The following STAU2 variants were observed in gnomAD, a reference collection of about 807,000 sequenced individuals.
STAU2 encodes the protein double-stranded RNA-binding protein Staufen homolog 2.
A neutral mutation model predicts 65.9 loss-of-function variants in STAU2; 20 were observed. The observed-to-expected ratio is 0.30, with a 90% CI of 0.21 to 0.44. The LOEUF (loss-of-function observed/expected upper bound fraction) is 0.44, where lower values mean the gene tolerates loss of function less well. Ranked by LOEUF, STAU2 falls within the 20% of genes least tolerant of loss-of-function variation. The pLI is 1.00. For missense variants in STAU2, 558 were observed against 683.9 expected (o/e 0.82, Z 2.05); for synonymous variants, 232 against 233.9 (o/e 0.99, Z 0.07).
chr8:73,578,320 C>T (rs73328757), intron 12 of STAU2, among the ~76,000 whole-genome samples: 27,772 of 152,086 alleles, frequency 0.18, 2,775 homozygotes, highest in African/African-American at 0.27. Flanking sequence ...AATGGATCTT[C>T]AGAGACAGAC....
intron 13 of STAU2, among the ~76,000 whole-genome samples, chr8:73,538,043 T>G (rs948561895): frequency 6.6e-6 from 1 of 152,186 alleles, no homozygotes; most frequent in Non-Finnish European, 1.5e-5. Flanking sequence ...ACTGATTTTC[T>G]TCAAAAGGGT....
intron 13 of STAU2, among the ~76,000 whole-genome samples, chr8:73,519,163 C>T (rs1199898662): frequency 6.6e-6 from 1 of 152,160 alleles, no homozygotes; most frequent in African/African-American, 2.4e-5. Context: ...ACAGAGCAAG[C>T]AAAGCCGCTG....
intron 7 of STAU2, 59 bp downstream of exon 7, chr8:73,617,232 TC>T: frequency 6.4e-7 from 1 of 1,572,104 alleles, no homozygotes; most frequent in Non-Finnish European, 8.6e-7. Context: ...TATAAAATGC[TC>T]TGATTTGTTT....
chr8:73,429,951 G>A (rs1023775387), intron 13 of STAU2, among the ~76,000 whole-genome samples: 3 of 152,156 alleles, frequency 2.0e-5, no homozygotes, highest in Non-Finnish European at 2.9e-5. Context: ...TCAGCAGTCC[G>A]CTTCCAGCCC....
rs1160299382 is a variant in STAU2 at position 73,688,801 on chromosome 8, G to T, written c.127C>A (p.Gln43Lys). The change falls in exon 5 of 15, where the codon CAG (glutamine) becomes AAG (lysine). Residue 43 changes from glutamine (Q) to lysine (K), a missense_variant. Coordinates refer to ENST00000524300, the MANE Select transcript of STAU2 (RefSeq NM_001164380.2). ...CATGTCTGCTCACCAAGACTCAGCT[G>T]CACTGAGAACATCTTAGAAAAACAT... ...GPAHSKMFSV[Q>K]LSLGEQTWES... 1.2e-6 allele frequency: 2 copies of T among 1,613,928 alleles called. No homozygotes were observed. The highest frequency in any genetic ancestry group is 3.3e-5 in the Admixed American group (2 of 59,968).
At chr8:73,485,712 T>C (rs1323744463) in intron 13 of STAU2, among the ~76,000 whole-genome samples, 2 of 152,106 alleles carry the variant, frequency 1.3e-5, no homozygotes, top group African/African-American at 4.8e-5. Flanking sequence ...CACAAGCCTA[T>C]AGTCCCAGCT....
chr8:73,628,826 C>G (rs1400515654), intron 6 of STAU2, among the ~76,000 whole-genome samples: 2 of 152,152 alleles, frequency 1.3e-5, no homozygotes, highest in Non-Finnish European at 2.9e-5. Context: ...TACGTTTGCA[C>G]TAAAATCTTC....
At chr8:73,649,794 T>C (rs556784870) in intron 6 of STAU2, among the ~76,000 whole-genome samples, 2 of 148,830 alleles carry the variant, frequency 1.3e-5, no homozygotes, top group African/African-American at 4.9e-5. Context: ...TAGATATCTT[T>C]GAGAGCACAC....
At chr8:73,590,123 G>A (rs1267812102) in intron 11 of STAU2, among the ~76,000 whole-genome samples, 2 of 139,802 alleles carry the variant, frequency 1.4e-5, no homozygotes, top group Non-Finnish European at 3.1e-5. Flanking sequence ...AAGAAAAAAC[G>A]AGAGAAGAAA....
intron 13 of STAU2, chr8:73,439,242 C>T (rs1817942646): frequency 2.9e-6 from 1 of 350,634 alleles, no homozygotes; most frequent in Non-Finnish European, 5.6e-6. Context: ...GCTGCTCCAG[C>T]ACCCGCATTG....
chr8:73,666,680 C>T lies in STAU2; in HGVS notation c.410+6427G>A, dbSNP rs907910488. ...AAAGGTAACCTTGACATAAAATATA[C>T]TAAACACATCTAATGAGAATGTAGG... is the stretch of plus-strand genomic sequence containing the variant. On this transcript the variant is annotated intron_variant, in intron 6 of 14. Coordinates refer to ENST00000524300, the MANE Select transcript of STAU2 (RefSeq NM_001164380.2). 1.1e-4 allele frequency among the ~76,000 whole-genome samples: 17 copies of T among 152,274 alleles called. 2 individuals are homozygous for T. In the South Asian group the frequency reaches 2.9e-3, roughly 26 times the overall value.
chr8:73,476,856 G>C (rs1820350218), intron 13 of STAU2, among the ~76,000 whole-genome samples: 1 of 152,198 alleles, frequency 6.6e-6, no homozygotes. Flanking sequence ...ACGCTCGTGA[G>C]AGCAGCCAGA....
At chr8:73,691,215 C>T (rs78903593) in intron 4 of STAU2, among the ~76,000 whole-genome samples, 8,328 of 152,186 alleles carry the variant, frequency 0.055, 414 homozygotes, top group Admixed American at 0.16. Flanking sequence ...CAAAACACTG[C>T]CTCCTCCACT....
intron 13 of STAU2, among the ~76,000 whole-genome samples, chr8:73,498,223 T>C (rs896380838): frequency 6.6e-6 from 1 of 151,818 alleles, no homozygotes; most frequent in Non-Finnish European, 1.5e-5. Flanking sequence ...CAGGCAATTA[T>C]CTATTACATG....
chr8:73,660,909 T>A (rs1816787419), intron 6 of STAU2, among the ~76,000 whole-genome samples: 1 of 152,234 alleles, frequency 6.6e-6, no homozygotes, highest in Non-Finnish European at 1.5e-5. Context: ...GATTTAATTT[T>A]TTTAATTAAG....
At chr8:73,513,231 C>T (rs115354220) in intron 13 of STAU2, among the ~76,000 whole-genome samples, 387 of 151,754 alleles carry the variant, frequency 2.6e-3, no homozygotes, top group African/African-American at 8.9e-3. Flanking sequence ...CTGTGGAATC[C>T]ATCTCCTTCA....
At chr8:73,446,485 C>A (rs1818472925) in intron 13 of STAU2, among the ~76,000 whole-genome samples, 1 of 152,154 alleles carries the variant, frequency 6.6e-6, no homozygotes, top group African/African-American at 2.4e-5. Flanking sequence ...TGAGATGTAA[C>A]CACTGGAAGA....
intron 13 of STAU2, among the ~76,000 whole-genome samples, chr8:73,505,884 T>A (rs1822034677): frequency 6.6e-6 from 1 of 152,066 alleles, no homozygotes; most frequent in Non-Finnish European, 1.5e-5. Flanking sequence ...CCCTTGGTGA[T>A]AAGTGAGTTC....
intron 12 of STAU2, among the ~76,000 whole-genome samples, chr8:73,572,953 A>T (rs969375817): frequency 1.1e-4 from 16 of 152,232 alleles, no homozygotes; most frequent in Non-Finnish European, 2.1e-4. Context: ...GAAAAGAGGA[A>T]GTCAAATTGT....
Sources: gnomAD v4.1 joint callset for allele counts (sites outside exome capture counted in the v4.1 genomes callset) on GRCh38, gnomAD v4.1.1 for gene constraint, MANE v1.5 for transcripts, NCBI Gene and HGNC (gene_info 2026-07-23, HGNC 2026-07-21) for gene names.